Variants in PTPRG observed in about 807,000 individuals in gnomAD.
The protein encoded by PTPRG is protein tyrosine phosphatase receptor type G.
Under a neutral mutation model 165.3 loss-of-function variants are expected in PTPRG, and 102 were observed. The ratio of observed to expected loss-of-function variants is 0.62; its 90% CI spans 0.53 to 0.73. The LOEUF (loss-of-function observed/expected upper bound fraction) is 0.73. PTPRG is among the 30% of genes least tolerant of loss of function. The pLI is 0.00. For missense variants in PTPRG, 1,866 were observed against 1,861.4 expected, an observed-to-expected ratio of 1.00 and a Z score of -0.05; for synonymous variants, 675 against 669.5, an observed-to-expected ratio of 1.01 and a Z score of -0.13.
chr3:62,284,375 A>G (rs1283913491), intron 28 of PTPRG, among the ~76,000 whole-genome samples: 1 of 152,088 alleles, frequency 6.6e-6, no homozygotes, highest in Middle Eastern at 3.2e-3. Flanking sequence ...AATCAGATGT[A>G]TACAGGCCTC....
intron 15 of PTPRG, among the ~76,000 whole-genome samples, chr3:62,246,736 T>A (rs1203584365): frequency 1.3e-5 from 2 of 152,154 alleles, no homozygotes; most frequent in African/African-American, 4.8e-5. Flanking sequence ...CTAAAAATAA[T>A]ACGAGATTTA....
chr3:61,841,229 C>G (rs1448671361), intron 2 of PTPRG, among the ~76,000 whole-genome samples: 1 of 152,168 alleles, frequency 6.6e-6, no homozygotes, highest in Non-Finnish European at 1.5e-5. Flanking sequence ...ATACTTGACA[C>G]AGTCATATTA....
intron 1 of PTPRG, among the ~76,000 whole-genome samples, chr3:61,724,469 G>A (rs2032177265): frequency 6.6e-6 from 1 of 151,960 alleles, no homozygotes. Context: ...ACACGTTTTT[G>A]GATGATCATA....
At chr3:61,985,634 A>G (rs1335618414) in intron 2 of PTPRG, among the ~76,000 whole-genome samples, 3 of 152,176 alleles carry the variant, frequency 2.0e-5, no homozygotes, top group Non-Finnish European at 2.9e-5. Context: ...CCCATTTCTC[A>G]GCCCTGTCTA....
intron 2 of PTPRG, among the ~76,000 whole-genome samples, chr3:61,880,203 A>G (rs2037845679): frequency 6.6e-6 from 1 of 152,258 alleles, no homozygotes; most frequent in Non-Finnish European, 1.5e-5. Context: ...AACAGTTAAT[A>G]AGAAACTTAG....
intron 2 of PTPRG, among the ~76,000 whole-genome samples, chr3:61,792,107 G>T (rs1268096783): frequency 6.6e-6 from 1 of 152,050 alleles, no homozygotes; most frequent in Non-Finnish European, 1.5e-5. Flanking sequence ...GAGCACGGAA[G>T]ATGAGAGATC....
At chr3:61,812,186 C>G (rs1461431082) in intron 2 of PTPRG, among the ~76,000 whole-genome samples, 2 of 151,510 alleles carry the variant, frequency 1.3e-5, no homozygotes, top group Non-Finnish European at 2.9e-5. Flanking sequence ...CAACTTCTTC[C>G]TGGTATCTAC....
intron 2 of PTPRG, among the ~76,000 whole-genome samples, chr3:61,781,709 A>G (rs762285001): frequency 9.9e-5 from 15 of 152,142 alleles, no homozygotes; most frequent in Non-Finnish European, 2.1e-4. Flanking sequence ...GATGTTGATT[A>G]CTAAATTAAC....
Position 62,228,535 on chromosome 3 carries a change from AAAAAAG to A in PTPRG, c.2289-2677_2289-2672del, listed in dbSNP as rs779081026. On this transcript the variant is annotated intron_variant, in intron 13 of 29. Transcript: ENST00000474889. This position sits in a 1 kb window ranked among gnomAD's most constrained non-coding sequence, Gnocchi z 4.1. Reference sequence around the variant, plus strand: ...TCTCAAAAAAAAAAAAGAAAGAAAGAAAAAAGAAAAAGAAAAAGGACAAGTGCTCCA... The same window carrying A: ...TCTCAAAAAAAAAAAAGAAAGAAAGAAAAAAGAAAAAGGACAAGTGCTCCA... 3.9e-4 allele frequency among the ~76,000 whole-genome samples: 60 copies of A among 152,008 alleles called. 2 individuals are homozygous for A. The highest frequency in any genetic ancestry group is 2.5e-3 in the South Asian group (12 of 4,806).
intron 1 of PTPRG, among the ~76,000 whole-genome samples, chr3:61,681,723 TAAAC>T (rs1233880780): frequency 6.6e-6 from 1 of 152,192 alleles, no homozygotes; most frequent in East Asian, 1.9e-4. Context: ...AAGCACCAAA[TAAAC>T]AGTAGCCATT....
At chr3:61,801,180 AT>A (rs1227986809) in intron 2 of PTPRG, among the ~76,000 whole-genome samples, 1 of 152,154 alleles carries the variant, frequency 6.6e-6, no homozygotes, top group East Asian at 1.9e-4. Flanking sequence ...TGACTGCTTA[AT>A]TTAGCTTCAA....
intron 2 of PTPRG, among the ~76,000 whole-genome samples, chr3:61,901,651 A>G (rs956725412): frequency 2.6e-5 from 4 of 152,170 alleles, no homozygotes; most frequent in African/African-American, 9.7e-5. Flanking sequence ...GCTAAGCGTT[A>G]ATAGCATCCC....
Position 62,295,471 on chromosome 3 carries a change from C to T in PTPRG, c.*2164C>T, listed in dbSNP as rs1428347338. On this transcript the variant is annotated 3_prime_UTR_variant, in exon 30 of 30. Coordinates refer to ENST00000474889, the MANE Select transcript of PTPRG (RefSeq NM_002841.4). ...GTAATTTTTTCTTAATAAAAGTAAA[C>T]ACTGGTTCAAAGACAAATAGCAAGT... 1 of 152,014 alleles carries T rather than the reference C, an allele frequency of 6.6e-6. No homozygotes were observed. Among genetic ancestry groups the T allele is most frequent in the East Asian group, 1.9e-4 (1 of 5,196 alleles). 9.4% of individuals were successfully genotyped at this position (152,014 alleles called of 1,614,324 possible).
chr3:62,034,440 G>A (rs115882449), intron 4 of PTPRG, among the ~76,000 whole-genome samples: 3,311 of 152,324 alleles, frequency 0.022, 55 homozygotes, highest in South Asian at 0.063. Flanking sequence ...CCAGTGAGTG[G>A]TGTTGATGCA....
intron 15 of PTPRG, among the ~76,000 whole-genome samples, chr3:62,248,094 A>T (rs1491963): frequency 6.6e-6 from 1 of 151,996 alleles, no homozygotes; most frequent in African/African-American, 2.4e-5. Context: ...GTGAATATAT[A>T]TGGTGGTTGA....
At chr3:62,170,478 A>G (rs557334531) in intron 8 of PTPRG, among the ~76,000 whole-genome samples, 6 of 152,290 alleles carry the variant, frequency 3.9e-5, no homozygotes, top group African/African-American at 1.4e-4. Context: ...CATATGATAT[A>G]TCAGCTGTAC....
intron 2 of PTPRG, among the ~76,000 whole-genome samples, chr3:61,979,864 C>G (rs2040598364): frequency 6.6e-6 from 1 of 152,156 alleles, no homozygotes; most frequent in African/African-American, 2.4e-5. Context: ...GTTTCCTAGT[C>G]CCACATCCCA....
chr3:61,699,368 C>G (rs1389162516), intron 1 of PTPRG, among the ~76,000 whole-genome samples: 1 of 152,122 alleles, frequency 6.6e-6, no homozygotes, highest in Non-Finnish European at 1.5e-5. Context: ...TGCATTCAAT[C>G]TGTTGTGATA....
At chr3:62,174,684 G>A (rs1376658508) in intron 8 of PTPRG, among the ~76,000 whole-genome samples, 3 of 152,182 alleles carry the variant, frequency 2.0e-5, no homozygotes, top group Non-Finnish European at 2.9e-5. Flanking sequence ...ATGGTTTTCT[G>A]CTATTTTGGG....
Sources: gnomAD v4.1 joint callset for allele counts (sites outside exome capture counted in the v4.1 genomes callset) on GRCh38, gnomAD v4.1.1 for gene constraint, Gnocchi (gnomAD v3.1) non-coding constraint, MANE v1.5 for transcripts, NCBI Gene and HGNC (gene_info 2026-07-23, HGNC 2026-07-21) for gene names.